Variants in ADAM22 observed in about 807,000 individuals in gnomAD.
ADAM22 encodes ADAM metallopeptidase domain 22.
A neutral mutation model predicts 144.6 loss-of-function variants in ADAM22; 65 were observed. The ratio of observed to expected loss-of-function variants is 0.45; its 90% CI spans 0.37 to 0.55. The LOEUF (loss-of-function observed/expected upper bound fraction) is 0.55, where lower values mean the gene tolerates loss of function less well. ADAM22 is among the 20% of genes least tolerant of loss of function. The probability of loss-of-function intolerance (pLI) is 0.00; values close to 1 mark genes in which losing one functional copy is unlikely to be tolerated. For synonymous variants in ADAM22, 391 were observed against 412.6 expected (o/e 0.95, Z 0.63); for missense variants, 974 against 1,184.9 (o/e 0.82, Z 2.61).
chr7:88,079,585 C>T (rs1375850153), intron 4 of ADAM22, among the ~76,000 whole-genome samples: 1 of 152,146 alleles, frequency 6.6e-6, no homozygotes, highest in East Asian at 1.9e-4. Context: ...TATCAGTGTG[C>T]TGTATTCAGG....
chr7:88,036,845 T>G (rs1801630811), intron 3 of ADAM22, among the ~76,000 whole-genome samples: 1 of 152,112 alleles, frequency 6.6e-6, no homozygotes, highest in Admixed American at 6.5e-5. Context: ...AATCTTACCA[T>G]TTGAAGAAAA....
At chr7:88,178,866 A>C in intron 26 of ADAM22, 69 bp from the exon 27 acceptor site, 1 of 927,960 alleles carries the variant, frequency 1.1e-6, no homozygotes, top group Non-Finnish European at 1.6e-6. Flanking sequence ...TCCTGAAATA[A>C]TATTTGTATA....
chr7:88,075,411 G>A, intron 3 of ADAM22, among the ~76,000 whole-genome samples: 1 of 152,118 alleles, frequency 6.6e-6, no homozygotes, highest in East Asian at 1.9e-4. Context: ...AGTGACAGGT[G>A]GTGTAGGCAG....
chr7:87,948,917 A>G (rs1844370221), intron 2 of ADAM22, among the ~76,000 whole-genome samples: 1 of 152,208 alleles, frequency 6.6e-6, no homozygotes. Flanking sequence ...TGCTCAGTAA[A>G]TATTTATGGT....
At chr7:88,156,162 A>T (rs1044987104) in intron 22 of ADAM22, among the ~76,000 whole-genome samples, 156 bp downstream of exon 22, 1 of 152,188 alleles carries the variant, frequency 6.6e-6, no homozygotes, top group East Asian at 1.9e-4. Context: ...GAGAAGAGAT[A>T]AAAAGAAGAT....
rs530375357 is a variant in ADAM22, at chr7:88,161,128, A to T, written c.1908-1884A>T. Among the ~76,000 whole-genome samples, 9 of 151,952 alleles carry T rather than the reference A, an allele frequency of 5.9e-5. No homozygotes were observed. In the East Asian group the frequency reaches 1.6e-3, roughly 26 times the overall value. ...AAGTATAAGAATAATAATAATAAAA[A>T]ACCAACCCCCCCACCCAAAAAAAAT... On this transcript the variant is annotated intron_variant, in intron 22 of 31. Coordinates refer to ENST00000413139, the MANE Select transcript of ADAM22 (RefSeq NM_001324418.2).
At chr7:88,141,072 A>G (rs1281099416) in intron 14 of ADAM22, among the ~76,000 whole-genome samples, 2 of 152,200 alleles carry the variant, frequency 1.3e-5, no homozygotes, top group Non-Finnish European at 2.9e-5. Flanking sequence ...TAATGAAGCT[A>G]TGGTTCCTCC....
At chr7:88,106,297 G>C (rs2129487406) in intron 4 of ADAM22, among the ~76,000 whole-genome samples, 1 of 152,240 alleles carries the variant, frequency 6.6e-6, no homozygotes, top group African/African-American at 2.4e-5. Flanking sequence ...GTGGTTTAAG[G>C]TCCAGGATTG....
intron 2 of ADAM22, among the ~76,000 whole-genome samples, chr7:87,958,404 A>T (rs1334090526): frequency 1.3e-5 from 2 of 149,530 alleles, no homozygotes; most frequent in Non-Finnish European, 3.0e-5. Context: ...TTTTTTTTTG[A>T]GATGGAGTTT....
At chr7:88,007,988 G>A (rs929523727) in intron 3 of ADAM22, among the ~76,000 whole-genome samples, 7 of 152,074 alleles carry the variant, frequency 4.6e-5, no homozygotes, top group Non-Finnish European at 8.8e-5. Flanking sequence ...GAAAATTTTT[G>A]CAACCTACTC....
At chr7:88,142,702 G>A (rs1019998348) in intron 14 of ADAM22, among the ~76,000 whole-genome samples, 4 of 152,070 alleles carry the variant, frequency 2.6e-5, no homozygotes, top group Admixed American at 2.0e-4. Context: ...GCTGGGCATG[G>A]TGGCGGGCGC....
At chr7:88,113,703 A>AATAAATATATATATATAT (rs1554478726) in intron 5 of ADAM22, among the ~76,000 whole-genome samples, 80 of 48,068 alleles carry the variant, frequency 1.7e-3, no homozygotes, top group South Asian at 2.4e-3. Context: ...TAAATAAATA[A>AATAAATATATATATATAT]ATATATATAT....
In ADAM22 at chr7:88,079,851, T is replaced by A. The variant is rs577340797; in HGVS notation, c.390+4159T>A. On this transcript the variant is annotated intron_variant, in intron 4 of 31. Coordinates refer to ENST00000413139, the MANE Select transcript of ADAM22 (RefSeq NM_001324418.2). ...GGAGCACCCAGATGCATAAAGCAAG[T>A]CCTGAGTGACCTACAAAGAGACTTA... 3.3e-4 allele frequency among the ~76,000 whole-genome samples: 51 copies of A among 152,256 alleles called. No homozygotes were observed. The South Asian group carries it at 0.011, about 32-fold the overall frequency.
intron 4 of ADAM22, among the ~76,000 whole-genome samples, chr7:88,078,897 A>G (rs975447869): frequency 6.6e-6 from 1 of 152,242 alleles, no homozygotes; most frequent in African/African-American, 2.4e-5. Flanking sequence ...TGACGGGGAG[A>G]ATGGAACCAA....
intron 18 of ADAM22, among the ~76,000 whole-genome samples, chr7:88,149,707 C>T (rs1273889101): frequency 6.6e-6 from 1 of 152,036 alleles, no homozygotes; most frequent in African/African-American, 2.4e-5. Context: ...TTTTGCAGTC[C>T]TCAAAAAATG....
At chr7:88,034,105 A>G (rs1217558287) in intron 3 of ADAM22, among the ~76,000 whole-genome samples, 1 of 151,978 alleles carries the variant, frequency 6.6e-6, no homozygotes, top group African/African-American at 2.4e-5. Flanking sequence ...TGCTTTTCTC[A>G]AGCAGATGGA....
intron 12 of ADAM22, 31 bp from the exon 13 acceptor site, chr7:88,134,298 C>T (rs760769730): frequency 2.0e-6 from 3 of 1,512,808 alleles, no homozygotes; most frequent in Admixed American, 3.7e-5. Flanking sequence ...TTTGGATTTA[C>T]ATATATTTTA....
chr7:88,027,870 C>T (rs890509062), intron 3 of ADAM22, among the ~76,000 whole-genome samples: 6 of 151,896 alleles, frequency 4.0e-5, no homozygotes, highest in African/African-American at 1.5e-4. Context: ...TGGCTCACTG[C>T]AACCCTACCT....
intron 26 of ADAM22, among the ~76,000 whole-genome samples, chr7:88,174,617 A>G (rs1405012886): frequency 1.3e-5 from 2 of 152,202 alleles, no homozygotes; most frequent in Admixed American, 6.5e-5. Flanking sequence ...TGCAAATAGC[A>G]ATAGAATAAG....
Sources: allele counts gnomAD v4.1 joint callset (sites outside exome capture counted in the v4.1 genomes callset), GRCh38; gene constraint gnomAD v4.1.1; transcripts MANE v1.5; gene names NCBI Gene and HGNC (gene_info 2026-07-23, HGNC 2026-07-21).